The following NKTR variants were observed in gnomAD, a reference collection of about 807,000 sequenced individuals.
NKTR encodes natural killer cell triggering receptor, also known as NK-tumor recognition protein.
NKTR carries 67 observed loss-of-function variants against 156.3 expected under a neutral mutation model. The observed-to-expected ratio is 0.43, with a 90% confidence interval of 0.35 to 0.53. The LOEUF (loss-of-function observed/expected upper bound fraction) is 0.53. Ranked by LOEUF, NKTR falls within the 20% of genes least tolerant of loss-of-function variation. The pLI, the probability that NKTR is intolerant of heterozygous loss-of-function variation, is 0.01. For synonymous variants in NKTR, 640 were observed against 596.6 expected (o/e 1.07, Z -1.06); for missense variants, 1,604 against 1,730.9 (o/e 0.93, Z 1.30).
chr3:42,608,325 C>G (rs1333072668), intron 2 of NKTR, among the ~76,000 whole-genome samples: 1 of 152,048 alleles, frequency 6.6e-6, no homozygotes, highest in Admixed American at 6.6e-5. Flanking sequence ...TCCTACAACC[C>G]CCTGCTCAGC....
intron 2 of NKTR, among the ~76,000 whole-genome samples, chr3:42,603,289 G>T (rs638904): frequency 0.25 from 36,926 of 145,958 alleles, 4,979 homozygotes; most frequent in East Asian, 0.49. Flanking sequence ...GAGCTCAGGA[G>T]TTTAAGGCTG....
rs546694947 is a variant in NKTR at position 42,610,544 on chromosome 3, G to A, written c.59-7026G>A. On this transcript the variant is annotated intron_variant, in intron 2 of 16. Transcript: ENST00000232978. ...TAAAATTTATTTTGTTGTTTCTGTAGTAGATATGAATGTTGAATTTCACCG... is the reference window on the plus strand; with the variant it reads ...TAAAATTTATTTTGTTGTTTCTGTAATAGATATGAATGTTGAATTTCACCG... Among the ~76,000 whole-genome samples the A allele has an allele frequency of 2.3e-3, 341 of 150,974 alleles. 3 individuals are homozygous for A. The highest frequency in any genetic ancestry group is 8.0e-3 in the African/African-American group (331 of 41,238).
rs529319766 is a variant in NKTR, at chr3:42,639,146, C to G, written c.3442C>G (p.Leu1148Val). The change falls in exon 13 of 17, where the codon CTA (leucine) becomes GTA (valine). Residue 1148 changes from leucine to valine, a missense_variant. Transcript: ENST00000232978. ...AGCAAAAGTAGAGGAGACTTCCCCT[C>G]TAGGAAATGCACGGCTTGATACCCC... is the stretch of plus-strand genomic sequence containing the variant. ...SPAKVEETSPLGNARLDTPDI... is the reference protein window; with the variant it reads ...SPAKVEETSPVGNARLDTPDI... The G allele has an allele frequency of 1.9e-6, 3 of 1,614,124 alleles. No individual in the cohort carries two copies. Among genetic ancestry groups the G allele is most frequent in the Non-Finnish European group, 2.5e-6 (3 of 1,179,982 alleles).
chr3:42,606,432 C>CT (rs1390396469), intron 2 of NKTR, among the ~76,000 whole-genome samples: 2 of 151,908 alleles, frequency 1.3e-5, no homozygotes, highest in African/African-American at 2.4e-5. Flanking sequence ...AGTATGGACA[C>CT]TAAGTCAAGT....
chr3:42,645,784 CACT>C, intron 16 of NKTR, 101 bp from the exon 17 acceptor site: 1 of 648,856 alleles, frequency 1.5e-6, no homozygotes, highest in African/African-American at 1.8e-5. Flanking sequence ...GGCTTGAAAA[CACT>C]ATTGATGTTT....
intron 2 of NKTR, among the ~76,000 whole-genome samples, chr3:42,613,065 A>C (rs1341162252): frequency 6.6e-6 from 1 of 152,130 alleles, no homozygotes; most frequent in Non-Finnish European, 1.5e-5. Flanking sequence ...GGCACTACGT[A>C]AGTCTCTGGG....
At chr3:42,614,945 C>A (rs1029213636) in intron 2 of NKTR, among the ~76,000 whole-genome samples, 1 of 151,864 alleles carries the variant, frequency 6.6e-6, no homozygotes, top group Non-Finnish European at 1.5e-5. Context: ...TTTCCTCTTG[C>A]TCTTAACAAC....
intron 2 of NKTR, among the ~76,000 whole-genome samples, chr3:42,609,909 TCTAGGTGTATAG>T (rs1706601614): frequency 6.6e-6 from 1 of 152,248 alleles, no homozygotes; most frequent in South Asian, 2.1e-4. Flanking sequence ...TTTTGGGCTT[TCTAGGTGTATAG>T]CTAATGTTTC....
chr3:42,627,070 G>T (rs532874639), intron 6 of NKTR: 1 of 733,406 alleles, frequency 1.4e-6, no homozygotes, highest in Admixed American at 6.3e-5. Context: ...ATTTAAAAAA[G>T]CTTTCTTGCT....
chr3:42,614,731 C>T (rs970811334), intron 2 of NKTR, among the ~76,000 whole-genome samples: 1 of 151,770 alleles, frequency 6.6e-6, no homozygotes. Flanking sequence ...GTTTTTAAAC[C>T]CTTCAAATTG....
rs1261355046 is a variant in NKTR at position 42,600,793 on chromosome 3, C to T, written c.-24+15C>T. ...AGGCCAGCCAGGTGAAGAGCTCGCC[C>T]GCATGCGTGCGCGCTGCGTGGGAGC... On this transcript the variant is annotated intron_variant, in intron 1 of 16. Coordinates refer to ENST00000232978, the MANE Select transcript of NKTR (RefSeq NM_005385.4). 3 of 385,648 alleles carry T rather than the reference C, an allele frequency of 7.8e-6. No homozygotes were observed. The highest frequency in any genetic ancestry group is 6.8e-4 in the Middle Eastern group (1 of 1,464). The allele number at this position is 385,648 out of a possible 1,614,324, so 23.9% of individuals were successfully genotyped here. A position where few individuals can be genotyped will look rare whatever the true frequency, so the allele number is the denominator to read the frequency against.
At chr3:42,629,942 C>T in intron 6 of NKTR, 2 of 985,420 alleles carry the variant, frequency 2.0e-6, no homozygotes, top group African/African-American at 1.7e-5. Flanking sequence ...CAGATTGAAG[C>T]TTTTCTCCCT....
Position 42,648,316 on chromosome 3 carries a change from C to G in NKTR, c.*2341C>G, listed in dbSNP as rs1710480493. 2 of 152,306 alleles carry G rather than the reference C, an allele frequency of 1.3e-5. No individual in the cohort carries two copies. Among genetic ancestry groups the G allele is most frequent in the East Asian group, 3.9e-4 (2 of 5,182 alleles). 9.4% of individuals were successfully genotyped at this position (152,306 alleles called of 1,614,324 possible). On this transcript the variant is annotated 3_prime_UTR_variant, in exon 17 of 17. Coordinates refer to ENST00000232978, the MANE Select transcript of NKTR (RefSeq NM_005385.4). ...GGGCATTTTCAAATTCTGCCTACCA[C>G]AGGCAATAACTGCCCATCTCAGCTG...
intron 7 of NKTR, chr3:42,630,884 G>A: frequency 2.2e-6 from 3 of 1,363,974 alleles, no homozygotes; most frequent in Non-Finnish European, 2.8e-6. Context: ...TCCCTGTAAG[G>A]AAGGTTCCCA....
rs1372856934 is a variant in NKTR at position 42,648,495 on chromosome 3, A to T, written c.*2520A>T. 1 of 152,556 alleles carries T rather than the reference A, an allele frequency of 6.6e-6. No homozygotes were observed. Among genetic ancestry groups the T allele is most frequent in the African/African-American group, 2.4e-5 (1 of 41,460 alleles). The allele number at this position is 152,556 out of a possible 1,614,324, so 9.5% of individuals were successfully genotyped here. ...TTTTCTTCCTAAAGGGGATTGTTCT[A>T]CATTTTGAAGTTATTTTTTAATAAA... On this transcript the variant is annotated 3_prime_UTR_variant, in exon 17 of 17. Transcript: ENST00000232978.
intron 5 of NKTR, chr3:42,620,763 G>A (rs1033871193): frequency 1.0e-6 from 1 of 984,556 alleles, no homozygotes; most frequent in Admixed American, 6.2e-5. Context: ...CTGTTATGTA[G>A]CAATTTAAAA....
At chr3:42,618,545 A>C (rs1014789573) in intron 3 of NKTR, among the ~76,000 whole-genome samples, 1 of 151,792 alleles carries the variant, frequency 6.6e-6, no homozygotes, top group Non-Finnish European at 1.5e-5. Context: ...CCCAGATTCA[A>C]GTGATTCTCC....
rs763563314 is a variant in NKTR, at chr3:42,639,369, T to C, written c.3665T>C (p.Ile1222Thr). 8.1e-6 allele frequency: 13 copies of C among 1,613,886 alleles called. No individual in the cohort carries two copies. The highest frequency in any genetic ancestry group is 1.7e-5 in the Admixed American group (1 of 59,986). Residue 1222 changes from isoleucine to threonine, a missense_variant, in exon 13 of 17, where the codon ATT becomes ACT. By Grantham distance (89) the Ile-to-Thr change is moderately conservative. Around this residue, in one of 6 missense-constraint regions of NKTR, gnomAD observed 1,255 missense variants for 1,243.7 expected, o/e 1.01. Transcript: ENST00000232978. ...GCTGAGAAGAGCCAGATCAACCTCA[T>C]TGATAAGAAATGGAAGCCCCTGCAA... is the stretch of plus-strand genomic sequence containing the variant. Reference protein sequence around the residue: ...EVAEKSQINLIDKKWKPLQGV... With the variant: ...EVAEKSQINLTDKKWKPLQGV...
chr3:42,638,680 A>C lies in NKTR; in HGVS notation c.2976A>C (p.Lys992Asn). 6.2e-7 allele frequency: 1 copy of C among 1,611,864 alleles called. No homozygotes were observed. The highest frequency in any genetic ancestry group is 8.5e-7 in the Non-Finnish European group (1 of 1,179,538). Residue 992 changes from lysine (K) to asparagine (N), a missense_variant, in exon 13 of 17, where the codon AAA becomes AAC. Around this residue, in one of 6 missense-constraint regions of NKTR, gnomAD observed 1,255 missense variants for 1,243.7 expected, o/e 1.01. Transcript: ENST00000232978. ...ATCTTAAAAGAGAACACACCAAAAA[A>C]GTGAAAGAGAAATTGAAAGGGAAAA... ...KENLKREHTK[K>N]VKEKLKGKKD... is the part of the protein sequence containing the mutation.
Sources: gnomAD v4.1 joint callset for allele counts (sites outside exome capture counted in the v4.1 genomes callset) on GRCh38, gnomAD v4.1.1 for gene constraint, gnomAD v4.1.1 regional missense constraint, MANE v1.5 for transcripts, NCBI Gene and HGNC (gene_info 2026-07-23, HGNC 2026-07-21) for gene names.